Variants in PHKB observed in about 807,000 individuals in gnomAD.
PHKB encodes the protein phosphorylase kinase regulatory subunit beta.
In PHKB, 122 loss-of-function variants were observed where a neutral mutation model predicts 152.1. The observed-to-expected ratio is 0.80, with a 90% CI of 0.69 to 0.93. The LOEUF is 0.93. Among genes scored for constraint, PHKB ranks in the 40% least tolerant of loss-of-function variants. PHKB has a pLI of 0.00. For missense variants in PHKB, 1,304 were observed against 1,328.4 expected (o/e 0.98, Z 0.29); for synonymous variants, 436 against 464.9 (o/e 0.94, Z 0.80).
chr16:47,640,608 C>A (rs939218914), intron 14 of PHKB, among the ~76,000 whole-genome samples: 1 of 152,072 alleles, frequency 6.6e-6, no homozygotes, highest in Non-Finnish European at 1.5e-5. Context: ...AAGGGAATAA[C>A]CTTATATGTG....
At position 47,681,228 on chromosome 16, in the gene PHKB, GA is replaced by G. The variant is rs1415953515; in HGVS notation, c.2631-7806del. Among the ~76,000 whole-genome samples the G allele has an allele frequency of 5.3e-5, 8 of 151,968 alleles. No individual in the cohort carries two copies. The East Asian group carries it at 1.5e-3, about 29-fold the overall frequency. On this transcript the variant is annotated intron_variant, in intron 26 of 30. Coordinates refer to ENST00000323584, the MANE Select transcript of PHKB (RefSeq NM_000293.3). ...TTTGGAATAGGTGTGGTGTGGTGTT[GA>G]AAAAAATGTATATTCTGTTGATTTG... is the stretch of plus-strand genomic sequence containing the variant.
intron 7 of PHKB, among the ~76,000 whole-genome samples, chr16:47,553,305 T>G (rs1971307060): frequency 6.6e-6 from 1 of 152,068 alleles, no homozygotes; most frequent in Non-Finnish European, 1.5e-5. Context: ...TCTGATATCC[T>G]TTCTTCCGCT....
At chr16:47,464,840 G>T (rs1251471781) in intron 1 of PHKB, among the ~76,000 whole-genome samples, 2 of 152,182 alleles carry the variant, frequency 1.3e-5, no homozygotes, top group Admixed American at 1.3e-4. Flanking sequence ...GGAGAAGCCT[G>T]CTGGTAAGAG....
At chr16:47,552,173 C>T (rs1460574333) in intron 7 of PHKB, among the ~76,000 whole-genome samples, 1 of 152,148 alleles carries the variant, frequency 6.6e-6, no homozygotes, top group East Asian at 1.9e-4. Context: ...ATCCAGTTTT[C>T]CAGTCTCTGT....
rs1971019422 is a variant in PHKB, at chr16:47,539,769, T to C, written c.595-7664T>C. ...TATCACTTCCCAAATAATACTTCCA[T>C]AATTTCTTACATCAGTCTTTATTTT... is the stretch of plus-strand genomic sequence containing the variant. On this transcript the variant is annotated intron_variant, in intron 6 of 30. Transcript: ENST00000323584. Among the ~76,000 whole-genome samples the C allele has an allele frequency of 2.0e-5, 3 of 152,330 alleles. No individual in the cohort carries two copies. The South Asian group carries it at 6.2e-4, about 32-fold the overall frequency.
chr16:47,636,064 T>C (rs550022891), intron 14 of PHKB, among the ~76,000 whole-genome samples: 1 of 152,336 alleles, frequency 6.6e-6, no homozygotes, highest in African/African-American at 2.4e-5. Flanking sequence ...ATTCTGAGGT[T>C]CTGAGCTAGA....
intron 6 of PHKB, among the ~76,000 whole-genome samples, chr16:47,537,943 G>A (rs1039188401): frequency 6.6e-6 from 1 of 151,530 alleles, no homozygotes; most frequent in Admixed American, 6.6e-5. Flanking sequence ...CATCCAGGCT[G>A]GAGTGCAGTG....
intron 8 of PHKB, among the ~76,000 whole-genome samples, chr16:47,581,824 C>T (rs113106406): frequency 1.6e-4 from 24 of 152,176 alleles, no homozygotes; most frequent in East Asian, 7.7e-4. Flanking sequence ...GGATTACAGG[C>T]GGCTGCCACC....
chr16:47,677,486 T>C (rs1973754255), intron 26 of PHKB, among the ~76,000 whole-genome samples: 6 of 152,184 alleles, frequency 3.9e-5, no homozygotes, highest in Admixed American at 3.9e-4. Context: ...TCCCTGCCAA[T>C]TTGGTTTCTG....
chr16:47,527,075 G>A (rs1338373368), intron 6 of PHKB, among the ~76,000 whole-genome samples: 2 of 152,114 alleles, frequency 1.3e-5, no homozygotes, highest in Admixed American at 1.3e-4. Context: ...AAAGCACTAA[G>A]GGGATGGTGC....
chr16:47,640,963 T>G, intron 14 of PHKB, 72 bp from the exon 15 acceptor site: 1 of 1,354,912 alleles, frequency 7.4e-7, no homozygotes, highest in Non-Finnish European at 1.1e-6. Context: ...AATATTGTCC[T>G]TGTTTCTCAT....
chr16:47,640,879 C>T (rs889886270), intron 14 of PHKB, among the ~76,000 whole-genome samples, 156 bp from the exon 15 acceptor site: 3 of 152,118 alleles, frequency 2.0e-5, no homozygotes, highest in Non-Finnish European at 2.9e-5. Context: ...TAGGCAGTGG[C>T]GAGCAAGGAA....
At chr16:47,613,694 T>A (rs150150749) in intron 14 of PHKB, among the ~76,000 whole-genome samples, 77 of 152,318 alleles carry the variant, frequency 5.1e-4, no homozygotes, top group African/African-American at 1.7e-3. Context: ...ACCGTCACGG[T>A]CAAAATACTT....
At position 47,641,595 on chromosome 16, in the gene PHKB, T is replaced by C; in HGVS notation, c.1515-4T>C. Reference sequence around the variant, plus strand: ...ACGTCTCTTTTTATCCCTATGATCTTTAGACTTCAAGTTTTTCTGAACACA... The same window carrying C: ...ACGTCTCTTTTTATCCCTATGATCTCTAGACTTCAAGTTTTTCTGAACACA... On this transcript the variant is annotated splice_region_variant and splice_polypyrimidine_tract_variant and intron_variant, in intron 15 of 30. Transcript: ENST00000323584. The C allele has an allele frequency of 6.6e-7, 1 of 1,515,872 alleles. No homozygotes were observed. The highest frequency in any genetic ancestry group is 9.2e-7 in the Non-Finnish European group (1 of 1,090,418). The allele number at this position is 1,515,872 out of a possible 1,614,324, so 93.9% of individuals were successfully genotyped here. A position where few individuals can be genotyped will look rare whatever the true frequency, so the allele number is the denominator to read the frequency against.
intron 10 of PHKB, among the ~76,000 whole-genome samples, chr16:47,589,450 T>C (rs969676240): frequency 1.3e-5 from 2 of 152,238 alleles, no homozygotes; most frequent in African/African-American, 4.8e-5. Flanking sequence ...GCATTTTCAG[T>C]CCTATGTTTG....
At chr16:47,465,908 G>A (rs1969660647) in intron 1 of PHKB, among the ~76,000 whole-genome samples, 1 of 152,194 alleles carries the variant, frequency 6.6e-6, no homozygotes, top group Non-Finnish European at 1.5e-5. Flanking sequence ...CTTCACAGCT[G>A]AGCTTTTCAT....
At chr16:47,698,698 G>A in intron 30 of PHKB, 110 bp downstream of exon 30, 2 of 992,682 alleles carry the variant, frequency 2.0e-6, no homozygotes, top group East Asian at 2.7e-5. Context: ...CAGATTCACA[G>A]GTGCAAAATA....
chr16:47,529,345 ATTT>A (rs759050927), intron 6 of PHKB: 9 of 131,238 alleles, frequency 6.9e-5, no homozygotes, highest in Non-Finnish European at 6.5e-5. Context: ...TTAAAAAATA[ATTT>A]TTTTTTTTTT....
rs201294230 is a variant in PHKB at position 47,629,936 on chromosome 16, A to T, written c.1459-11099A>T. 2.0e-5 allele frequency among the ~76,000 whole-genome samples: 3 copies of T among 150,846 alleles called. No homozygotes were observed. The East Asian group carries it at 6.0e-4, about 30-fold the overall frequency. On this transcript the variant is annotated intron_variant, in intron 14 of 30. Transcript: ENST00000323584. ...AACTATCGCAATAACAAAAAACCAA[A>T]CACCGCATATTCTCACTCATAGATG... is the stretch of plus-strand genomic sequence containing the variant.
Sources: gnomAD v4.1 joint callset for allele counts (sites outside exome capture counted in the v4.1 genomes callset) on GRCh38, gnomAD v4.1.1 for gene constraint, MANE v1.5 for transcripts, NCBI Gene and HGNC (gene_info 2026-07-23, HGNC 2026-07-21) for gene names.